The following UMOD variants were observed in gnomAD, a reference collection of about 807,000 sequenced individuals.
UMOD encodes Tamm-Horsfall urinary glycoprotein.
In UMOD, 64 loss-of-function variants were observed where a neutral mutation model predicts 66.0. That is an observed-to-expected ratio of 0.97 (90% CI 0.79 to 1.19). The LOEUF (loss-of-function observed/expected upper bound fraction) is 1.19, where lower values mean the gene tolerates loss of function less well. Among genes scored for constraint, UMOD ranks in the 50% most tolerant of loss-of-function variants. The probability of loss-of-function intolerance (pLI) is 0.00; values close to 1 mark genes in which losing one functional copy is unlikely to be tolerated. For missense variants in UMOD, 764 were observed against 850.9 expected, an observed-to-expected ratio of 0.90 and a Z score of 1.27; for synonymous variants, 398 against 352.7, an observed-to-expected ratio of 1.13 and a Z score of -1.44.
At position 20,348,937 on chromosome 16, in the gene UMOD, C is replaced by G; in HGVS notation, c.364G>C (p.Ala122Pro). The change falls in exon 3 of 11, where the codon GCC (alanine) becomes CCC (proline). Residue 122 changes from alanine (A) to proline (P), a missense_variant. Coordinates refer to ENST00000396138, the MANE Select transcript of UMOD (RefSeq NM_003361.4). ...ACCACATTGACACATGTGGCCAGGG[C>G]GTGGCAGTGGCTAAGCCCAGGCTCA... ...CAEPGLSHCH[A>P]LATCVNVVGS... 6.4e-7 allele frequency: 1 copy of G among 1,571,692 alleles called. No homozygotes were observed. Among genetic ancestry groups the G allele is most frequent in the Non-Finnish European group, 8.6e-7 (1 of 1,158,688 alleles).
chr16:20,333,451 T>G, intron 10 of UMOD, 76 bp from the exon 11 acceptor site: 1 of 1,389,958 alleles, frequency 7.2e-7, no homozygotes. Context: ...CTGCCTCGTC[T>G]AGGCTGACCA....
At chr16:20,354,528 ACT>A (rs1966002029), upstream of UMOD, among the ~76,000 whole-genome samples, 1 of 151,444 alleles carries the variant, frequency 6.6e-6, no homozygotes, top group East Asian at 1.9e-4. Flanking sequence ...TCATTTATTT[ACT>A]TTTTTTTTTC....
At chr16:20,342,857 C>T (rs186684841) in intron 6 of UMOD, among the ~76,000 whole-genome samples, 15 of 152,220 alleles carry the variant, frequency 9.9e-5, no homozygotes, top group African/African-American at 2.4e-4. Context: ...TGGCAGGGCA[C>T]GGTGGCTCAC....
chr16:20,338,940 T>A (rs1171969360), intron 7 of UMOD, among the ~76,000 whole-genome samples: 1 of 152,106 alleles, frequency 6.6e-6, no homozygotes, highest in Non-Finnish European at 1.5e-5. Context: ...TTTTGTATTT[T>A]TAGTAGAGAT....
chr16:20,334,676 C>G (rs190223491), intron 10 of UMOD, among the ~76,000 whole-genome samples: 23 of 152,176 alleles, frequency 1.5e-4, no homozygotes, highest in African/African-American at 5.3e-4. Flanking sequence ...ATACAGTTGC[C>G]TCTTCAGAGC....
intron 1 of UMOD, 28 bp downstream of exon 1, chr16:20,352,661 A>G (rs1230078693): frequency 4.1e-6 from 5 of 1,231,246 alleles, no homozygotes; most frequent in East Asian, 3.2e-5. Flanking sequence ...AAGCTGGGCT[A>G]GGAGAAGACA....
In UMOD at chr16:20,352,697, A is replaced by G; in HGVS notation, c.-111T>C. ...GCTACAGATAGCCTTACCTGAAGCC[A>G]GAAAGGTAGAGTTAGTCTGGTCATG... On this transcript the variant is annotated 5_prime_UTR_variant, in exon 1 of 11. Transcript: ENST00000396138. 1.6e-6 allele frequency: 2 copies of G among 1,231,736 alleles called. No individual in the cohort carries two copies. The highest frequency in any genetic ancestry group is 4.1e-5 in the South Asian group (1 of 24,314). The allele number at this position is 1,231,736 out of a possible 1,614,324, so 76.3% of individuals were successfully genotyped here. A position where few individuals can be genotyped will look rare whatever the true frequency, so the allele number is the denominator to read the frequency against.
chr16:20,349,918 T>G, intron 2 of UMOD: 1 of 1,512,798 alleles, frequency 6.6e-7, no homozygotes, highest in Non-Finnish European at 8.8e-7. Context: ...TGTTGTTTAT[T>G]AAGCAATTAC....
rs1197633531 is a variant in UMOD at position 20,348,890 on chromosome 16, G to A, written c.411C>T (p.Cys137=). The A allele has an allele frequency of 1.3e-6, 2 of 1,554,902 alleles. No individual in the cohort carries two copies. The highest frequency in any genetic ancestry group is 3.9e-5 in the Admixed American group (2 of 51,692). The stretch of plus-strand genomic sequence containing the variant: ...ATCCATCCCCCCGGTAGCCCGCGGG[G>A]CATACGCACAAGTAGCTGCCCACCA... ...VNVVGSYLCV[C]PAGYRGDGWH... The change falls in exon 3 of 11, where the codon TGC becomes TGT. Residue 137 remains cysteine, a synonymous_variant. Coordinates refer to ENST00000396138, the MANE Select transcript of UMOD (RefSeq NM_003361.4).
At chr16:20,345,603 T>TTCTTTCTTCC (rs1301038848) in intron 5 of UMOD, among the ~76,000 whole-genome samples, 2 of 150,750 alleles carry the variant, frequency 1.3e-5, no homozygotes, top group African/African-American at 4.9e-5. Flanking sequence ...CTCTTTCTCT[T>TTCTTTCTTCC]TCTTTCTTCC....
rs778754785 is a variant in UMOD, at chr16:20,348,477, T to C, written c.824A>G (p.Asn275Ser). 6.2e-6 allele frequency: 10 copies of C among 1,612,664 alleles called. No individual in the cohort carries two copies. The African/African-American group carries it at 9.3e-5, about 15-fold the overall frequency. The change falls in exon 3 of 11, where the codon AAC becomes AGC. Residue 275 changes from asparagine (N) to serine (S), a missense_variant. Transcript: ENST00000396138. Reference protein sequence around the residue: ...KACAGGYYVYNLTAPPECHLA... With the variant: ...KACAGGYYVYSLTAPPECHLA... Reference sequence around the variant, plus strand: ...GTGACACTCGGGGGGCGCTGTCAGGTTGTAGACGTAGTAGCCGCCGGCACA... The same window carrying C: ...GTGACACTCGGGGGGCGCTGTCAGGCTGTAGACGTAGTAGCCGCCGGCACA...
chr16:20,337,233 T>C (rs904922374), intron 8 of UMOD, 58 bp downstream of exon 8: 6 of 1,599,490 alleles, frequency 3.8e-6, no homozygotes, highest in Admixed American at 1.7e-5. Flanking sequence ...ATTTGTTTTC[T>C]TTGTGGCCAA....
chr16:20,340,344 C>T (rs954596354), intron 7 of UMOD, among the ~76,000 whole-genome samples: 1 of 151,532 alleles, frequency 6.6e-6, no homozygotes, highest in African/African-American at 2.4e-5. Context: ...TGTATTCCGG[C>T]CTGGGTGACA....
At chr16:20,350,267 A>T (rs1245064663) in intron 2 of UMOD, among the ~76,000 whole-genome samples, 3 of 152,188 alleles carry the variant, frequency 2.0e-5, no homozygotes, top group Non-Finnish European at 4.4e-5. Context: ...ATCCTCCTGC[A>T]TGGGTTCAAA....
rs982462315 is a variant in UMOD, at chr16:20,348,791, G to A, written c.510C>T (p.Cys170=). The A allele has an allele frequency of 1.3e-6, 2 of 1,544,228 alleles. No individual in the cohort carries two copies. Among genetic ancestry groups the A allele is most frequent in the South Asian group, 2.4e-5 (2 of 83,968 alleles). ...TGCGGTGCGCCTGGCACGGATCCGC[G>A]CACACGAGCGCGTCGCCCTCGGGCA... The part of the protein sequence containing the change: ...DCVPEGDALV[C]ADPCQAHRTL... Residue 170 remains cysteine (C), a synonymous_variant, in exon 3 of 11, where the codon TGC becomes TGT. Coordinates refer to ENST00000396138, the MANE Select transcript of UMOD (RefSeq NM_003361.4).
upstream of UMOD, among the ~76,000 whole-genome samples, chr16:20,355,140 T>A (rs1232959025): frequency 1.3e-5 from 2 of 152,112 alleles, no homozygotes; most frequent in African/African-American, 4.8e-5. Context: ...TCCCAGCAGC[T>A]CTTCCTCTCC....
chr16:20,341,315 G>C lies in UMOD; in HGVS notation c.1353C>G (p.Gly451=), dbSNP rs111904030. The C allele has an allele frequency of 6.8e-4, 1,093 of 1,613,796 alleles. 4 individuals are homozygous for C. The African/African-American group carries it at 0.013, about 19-fold the overall frequency. ...TCCGCACGGTGAACATGCCGGTCCC[G>C]CCCACTCTGATGTTTAGAGCACTGC... The part of the protein sequence containing the change: ...PMVSALNIRV[G]GTGMFTVRMA... The change falls in exon 7 of 11, where the codon GGC becomes GGG. Residue 451 remains glycine, a synonymous_variant. Transcript: ENST00000396138.
intron 6 of UMOD, among the ~76,000 whole-genome samples, chr16:20,343,001 G>A (rs1458948830): frequency 6.6e-6 from 1 of 152,086 alleles, no homozygotes; most frequent in East Asian, 1.9e-4. Context: ...GTGGTGGTGG[G>A]CACCTATAAT....
intron 1 of UMOD, 147 bp from the exon 2 acceptor site, chr16:20,350,986 CT>C (rs1596566850): frequency 1.3e-6 from 1 of 752,230 alleles, no homozygotes; most frequent in African/African-American, 1.8e-5. Context: ...CCTTGTTTTG[CT>C]GGGACTTTAC....
Sources: allele counts gnomAD v4.1 joint callset (sites outside exome capture counted in the v4.1 genomes callset), GRCh38; gene constraint gnomAD v4.1.1; transcripts MANE v1.5; gene names NCBI Gene and HGNC (gene_info 2026-07-23, HGNC 2026-07-21).